The following ZNF726 variants were observed in gnomAD, a reference collection of about 807,000 sequenced individuals.
The protein encoded by ZNF726 is zinc finger protein 726.
In ZNF726, 15 loss-of-function variants were observed where a neutral mutation model predicts 11.6. The observed-to-expected ratio is 1.29, with a 90% confidence interval of 0.86 to 1.99. ZNF726 has a LOEUF of 1.99. Ranked by LOEUF, ZNF726 falls within the 30% of genes most tolerant of loss-of-function variation. The pLI, the probability that ZNF726 is intolerant of heterozygous loss-of-function variation, is 0.00. For missense variants in ZNF726, 890 were observed against 725.6 expected (o/e 1.23, Z -2.60); for synonymous variants, 295 against 243.6 (o/e 1.21, Z -1.96).
chr19:23,941,044 C>T (rs933757446), intron 3 of ZNF726, among the ~76,000 whole-genome samples: 1 of 152,046 alleles, frequency 6.6e-6, no homozygotes, highest in African/African-American at 2.4e-5. Flanking sequence ...GAATGGGCAT[C>T]CTTTCTTTTT....
At chr19:23,931,072 G>A (rs978880182) in intron 3 of ZNF726, among the ~76,000 whole-genome samples, 1 of 152,186 alleles carries the variant, frequency 6.6e-6, no homozygotes, top group Non-Finnish European at 1.5e-5. Context: ...CCAGGTTCAA[G>A]CAATTTTAGT....
At position 23,933,834 on chromosome 19, in the gene ZNF726, CG is replaced by C. The variant is rs1359178579; in HGVS notation, c.1719del (p.Phe574LeufsTer12). The C allele has an allele frequency of 1.9e-6, 3 of 1,599,782 alleles. No homozygotes were observed. The highest frequency in any genetic ancestry group is 2.6e-6 in the Non-Finnish European group (3 of 1,173,538). ...KPYKCEECGK[A>X]FNRSSNLSTH... ...TACAAGTGTGAAGAATGTGGAAAAG[CG>C]TTTAATCGATCCTCAAATCTTAGTA... is the stretch of plus-strand genomic sequence containing the variant. On this transcript the variant is annotated frameshift_variant, in exon 4 of 4. Transcript: ENST00000594466. LOFTEE classifies it low-confidence loss of function (END_TRUNC).
Position 23,919,468 on chromosome 19 carries a change from G to A in ZNF726, c.99G>A (p.Met33Ile), listed in dbSNP as rs750317781. ...AGAAGAATTTATATAGGAATGTGAT[G>A]TTAGAGAACTACAGAAACCTGGCCT... is the stretch of plus-strand genomic sequence containing the variant. The part of the protein sequence containing the change: ...TAQKNLYRNV[M>I]LENYRNLAFL... The change falls in exon 2 of 4, where the codon ATG becomes ATA. Residue 33 changes from methionine to isoleucine, a missense_variant. Physicochemically the swap from Met to Ile is conservative, Grantham distance 10. Transcript: ENST00000594466. 2.5e-6 allele frequency: 4 copies of A among 1,605,944 alleles called. No individual in the cohort carries two copies. The South Asian group carries it at 4.4e-5, about 18-fold the overall frequency.
chr19:23,943,599 C>A (rs1440797457), intron 4 of ZNF726: 32 of 614,792 alleles, frequency 5.2e-5, no homozygotes, highest in Non-Finnish European at 9.6e-5. Flanking sequence ...GGTAGGTAAG[C>A]ATGAATGAAG....
At chr19:23,923,298 C>G in intron 3 of ZNF726, 1 of 328,484 alleles carries the variant, frequency 3.0e-6, no homozygotes, top group Non-Finnish European at 5.8e-6. Flanking sequence ...TAAAAATTGG[C>G]ATGAATTTCT....
chr19:23,935,092 T>G (rs751156378), downstream of ZNF726: 157 of 352,282 alleles, frequency 4.5e-4, no homozygotes, highest in Middle Eastern at 1.0e-3. Flanking sequence ...TGCTGCTGCT[T>G]CTGCCCAGGG....
Position 23,934,200 on chromosome 19 carries a change from A to C in ZNF726, c.*233A>C, listed in dbSNP as rs564392403. On this transcript the variant is annotated 3_prime_UTR_variant, in exon 4 of 4. Transcript: ENST00000594466. ...CTCAAATCTTACTACACATAAGATA[A>C]TTCATACTGGAAATAAACCCTACAA... The C allele has an allele frequency of 5.1e-6, 4 of 780,256 alleles. No homozygotes were observed. The Admixed American group carries it at 7.7e-5, about 15-fold the overall frequency. The allele number at this position is 780,256 out of a possible 1,614,324, so 48.3% of individuals were successfully genotyped here.
chr19:23,940,442 C>T (rs1477013711), intron 3 of ZNF726, among the ~76,000 whole-genome samples: 2 of 152,034 alleles, frequency 1.3e-5, no homozygotes, highest in African/African-American at 2.4e-5. Context: ...TGTGGTGCCT[C>T]GAGATTTGTT....
chr19:23,939,882 T>TTTTTTTTTTTTTTTTTC (rs1968310143), intron 3 of ZNF726, among the ~76,000 whole-genome samples: 6 of 149,656 alleles, frequency 4.0e-5, no homozygotes, highest in African/African-American at 1.5e-4. Flanking sequence ...TTTTTTTTTT[T>TTTTTTTTTTTTTTTTTC]CTGACTGATT....
Position 23,919,225 on chromosome 19 carries a change from G to C in ZNF726, c.4-148G>C, listed in dbSNP as rs1327925154. The C allele has an allele frequency of 2.8e-5, 36 of 1,271,090 alleles. 1 individual carries two copies. Among genetic ancestry groups the C allele is most frequent in the African/African-American group, 1.7e-4 (11 of 65,896 alleles). 78.7% of individuals were successfully genotyped at this position (1,271,090 alleles called of 1,614,324 possible). A position where few individuals can be genotyped will look rare whatever the true frequency, so the allele number is the denominator to read the frequency against. On this transcript the variant is annotated intron_variant, in intron 1 of 3. Transcript: ENST00000594466. ...TTAGAGAATACATTAGAAAATGTTT[G>C]TGTTTTGACAATTATTTTATTGGAT...
At position 23,915,055 on chromosome 19, in the gene ZNF726, G is replaced by C. The variant is rs953813382; in HGVS notation, c.3+58G>C. The C allele has an allele frequency of 1.1e-5, 18 of 1,613,136 alleles. No homozygotes were observed. The Admixed American group carries it at 2.7e-4, about 24-fold the overall frequency. ...GGAACGGGGCTGGCTGGAACCGGTG[G>C]GAAGCGGCAGTGGCGGGACTCAGGC... On this transcript the variant is annotated intron_variant, in intron 1 of 3. Transcript: ENST00000594466.
Position 23,943,382 on chromosome 19 carries a change from T to C in ZNF726, c.227-112T>C, listed in dbSNP as rs1331350027. 7.1e-6 allele frequency: 3 copies of C among 424,906 alleles called. No individual in the cohort carries two copies. In the South Asian group the frequency reaches 2.8e-4, roughly 39 times the overall value. 26.3% of individuals were successfully genotyped at this position (424,906 alleles called of 1,614,324 possible). A position where few individuals can be genotyped will look rare whatever the true frequency, so the allele number is the denominator to read the frequency against. On this transcript the variant is annotated intron_variant, in intron 3 of 4. Transcript: ENST00000334589. ...CTAAAGGTTCTATCAGAAAACAGTA[T>C]TTTGAAATTAAATATGTAGAAGCTT...
At chr19:23,923,557 G>GCCGACA (rs1179801136) in intron 3 of ZNF726, 1 of 193,728 alleles carries the variant, frequency 5.2e-6, no homozygotes, top group Admixed American at 5.9e-5. Context: ...GACTATAGGT[G>GCCGACA]CCGACACCGC....
intron 3 of ZNF726, among the ~76,000 whole-genome samples, chr19:23,927,079 G>C (rs149755454): frequency 2.6e-5 from 4 of 152,092 alleles, no homozygotes; most frequent in Admixed American, 6.6e-5. Flanking sequence ...CCAGGTTCAA[G>C]CAATTCTCCT....
Position 23,932,020 on chromosome 19 carries a change from C to G in ZNF726, c.227-323C>G, listed in dbSNP as rs530713231. Among the ~76,000 whole-genome samples, 3 of 152,258 alleles carry G rather than the reference C, an allele frequency of 2.0e-5. No homozygotes were observed. In the East Asian group the frequency reaches 5.8e-4, roughly 29 times the overall value. On this transcript the variant is annotated intron_variant, in intron 3 of 3. Coordinates refer to ENST00000594466, the MANE Select transcript of ZNF726 (RefSeq NM_001244038.2). ...GAAATGAAGAGTTTGCAATTTACTT[C>G]TAAAGGCACTATGTTATAGTGGGAA...
At chr19:23,937,717 G>C (rs1968269784), downstream of ZNF726, among the ~76,000 whole-genome samples, 1 of 152,150 alleles carries the variant, frequency 6.6e-6, no homozygotes, top group South Asian at 2.1e-4. Flanking sequence ...GCCAGGTAGA[G>C]ACGCTCCTCA....
intron 3 of ZNF726, among the ~76,000 whole-genome samples, chr19:23,925,767 A>T (rs1257358599): frequency 6.9e-6 from 1 of 145,542 alleles, no homozygotes; most frequent in African/African-American, 2.6e-5. Context: ...CCCAGGCTGA[A>T]GTGCAATGGT....
chr19:23,925,726 T>A (rs1599460368), intron 3 of ZNF726, among the ~76,000 whole-genome samples: 1 of 148,786 alleles, frequency 6.7e-6, no homozygotes, highest in African/African-American at 2.5e-5. Flanking sequence ...TTTTTTTTTT[T>A]TTTTTTGGGA....
At position 23,932,498 on chromosome 19, in the gene ZNF726, G is replaced by C. The variant is rs770175143; in HGVS notation, c.382G>C (p.Glu128Gln). Residue 128 changes from glutamate to glutamine, a missense_variant, in exon 4 of 4, where the codon GAA (glutamate) becomes CAA (glutamine). Transcript: ENST00000594466. ...KSVDECKVHK[E>Q]GYNGLNQCFT... The stretch of plus-strand genomic sequence containing the variant: ...TGTGGATGAGTGTAAGGTACACAAA[G>C]AAGGTTATAATGGACTTAACCAGTG... The C allele has an allele frequency of 6.3e-7, 1 of 1,588,348 alleles. No individual in the cohort carries two copies. The highest frequency in any genetic ancestry group is 1.4e-5 in the African/African-American group (1 of 73,612).
Sources: allele counts gnomAD v4.1 joint callset (sites outside exome capture counted in the v4.1 genomes callset), GRCh38; gene constraint gnomAD v4.1.1; transcripts MANE v1.5; gene names NCBI Gene and HGNC (gene_info 2026-07-23, HGNC 2026-07-21).